ZNF385D: variants seen among roughly 807,000 people sequenced by gnomAD.
ZNF385D encodes zinc finger protein 385D.
ZNF385D carries 15 observed loss-of-function variants against 35.8 expected under a neutral mutation model. The observed-to-expected ratio is 0.42, with a 90% CI of 0.28 to 0.64. The LOEUF (loss-of-function observed/expected upper bound fraction) is 0.64, where lower values mean the gene tolerates loss of function less well. ZNF385D is among the 30% of genes least tolerant of loss of function. ZNF385D has a pLI of 0.23. For missense variants in ZNF385D, 474 were observed against 494.6 expected (o/e 0.96, Z 0.39); for synonymous variants, 212 against 186.8 (o/e 1.13, Z -1.10).
intron 2 of ZNF385D, among the ~76,000 whole-genome samples, chr3:21,620,620 A>C (rs1415088622): frequency 6.6e-6 from 1 of 152,110 alleles, no homozygotes; most frequent in African/African-American, 2.4e-5. Context: ...AAGATATTTC[A>C]ATCTCAGCCC....
chr3:21,661,089 T>C (rs2066225676), intron 2 of ZNF385D, among the ~76,000 whole-genome samples: 1 of 152,296 alleles, frequency 6.6e-6, no homozygotes, highest in Non-Finnish European at 1.5e-5. Flanking sequence ...TGCAACTCCA[T>C]GACTCCATGA....
intron 3 of ZNF385D, among the ~76,000 whole-genome samples, chr3:22,145,880 C>T (rs1343991390): frequency 6.6e-6 from 1 of 152,092 alleles, no homozygotes. Flanking sequence ...GTTCCCAAAC[C>T]TCCAAGTAGT....
intron 2 of ZNF385D, among the ~76,000 whole-genome samples, chr3:22,344,701 C>T (rs915317874): frequency 6.6e-5 from 10 of 152,290 alleles, no homozygotes; most frequent in African/African-American, 2.4e-4. Context: ...GGACTACAGG[C>T]ATGAGCCACT....
At chr3:21,821,326 A>G (rs1694211727) in intron 3 of ZNF385D, among the ~76,000 whole-genome samples, 1 of 152,202 alleles carries the variant, frequency 6.6e-6, no homozygotes, top group South Asian at 2.1e-4. Context: ...TCTCAATAGT[A>G]GAAAATATGC....
intron 2 of ZNF385D, among the ~76,000 whole-genome samples, chr3:22,183,556 C>T (rs1695426693): frequency 6.6e-6 from 1 of 152,046 alleles, no homozygotes; most frequent in African/African-American, 2.4e-5. Flanking sequence ...CGGTGTTTCA[C>T]CATATTGGCC....
chr3:21,970,253 A>T lies in ZNF385D; in HGVS notation c.325+198564T>A, dbSNP rs752762434. ...GGCATGAGTGACCAAACCCAGAGAC[A>T]CAGAGATATGTGACTAATAATTCAA... is the stretch of plus-strand genomic sequence containing the variant. On this transcript the variant is annotated intron_variant, in intron 3 of 5. Transcript: ENST00000494108. 2.2e-4 allele frequency among the ~76,000 whole-genome samples: 33 copies of T among 152,232 alleles called. 1 individual carries two copies. Among genetic ancestry groups the T allele is most frequent in the Non-Finnish European group, 1.9e-4 (13 of 68,044 alleles).
At chr3:21,725,129 A>G (rs1373434633) in intron 1 of ZNF385D, among the ~76,000 whole-genome samples, 1 of 152,206 alleles carries the variant, frequency 6.6e-6, no homozygotes, top group African/African-American at 2.4e-5. Flanking sequence ...GTTCTTTGAA[A>G]CCAAAGAGAA....
intron 1 of ZNF385D, among the ~76,000 whole-genome samples, chr3:21,718,849 T>G (rs1287402816): frequency 6.6e-6 from 1 of 152,268 alleles, no homozygotes; most frequent in Non-Finnish European, 1.5e-5. Flanking sequence ...TTGTAAGGTT[T>G]ATTTGTCTCC....
chr3:22,109,073 T>C (rs975611633), intron 3 of ZNF385D, among the ~76,000 whole-genome samples: 6 of 152,136 alleles, frequency 3.9e-5, no homozygotes, highest in Non-Finnish European at 7.4e-5. Flanking sequence ...CAATACATAG[T>C]AATTATTTGT....
At chr3:22,225,181 A>T (rs1698479323) in intron 2 of ZNF385D, among the ~76,000 whole-genome samples, 1 of 152,076 alleles carries the variant, frequency 6.6e-6, no homozygotes. Flanking sequence ...AATAATTTTG[A>T]TTGAGTAGAA....
intron 2 of ZNF385D, among the ~76,000 whole-genome samples, chr3:22,256,210 CATATATAT>C (rs970939887): frequency 7.2e-6 from 1 of 138,122 alleles, no homozygotes; most frequent in Non-Finnish European, 1.5e-5. Flanking sequence ...TACATATATA[CATATATAT>C]ACACACATAT....
intron 3 of ZNF385D, among the ~76,000 whole-genome samples, chr3:22,030,097 T>C (rs1697843275): frequency 6.6e-6 from 1 of 150,850 alleles, no homozygotes; most frequent in Non-Finnish European, 1.5e-5. Context: ...AGCCTCCCAG[T>C]CTATATCTTT....
chr3:21,726,577 G>C (rs770233215), intron 1 of ZNF385D, among the ~76,000 whole-genome samples: 5 of 152,082 alleles, frequency 3.3e-5, no homozygotes, highest in Non-Finnish European at 7.4e-5. Flanking sequence ...ATTCACAATT[G>C]CTACTAAGAT....
chr3:22,225,848 A>G (rs772953617), intron 2 of ZNF385D, among the ~76,000 whole-genome samples: 35 of 152,212 alleles, frequency 2.3e-4, no homozygotes, highest in African/African-American at 8.4e-4. Context: ...GATCTTGTGA[A>G]TATTTATCAA....
chr3:22,164,525 C>T (rs1271168877), intron 3 of ZNF385D, among the ~76,000 whole-genome samples: 1 of 151,538 alleles, frequency 6.6e-6, no homozygotes, highest in Non-Finnish European at 1.5e-5. Context: ...CCATACCCGG[C>T]CAAAAGGAAC....
chr3:21,827,643 T>C (rs1407063988), intron 3 of ZNF385D, among the ~76,000 whole-genome samples: 1 of 152,170 alleles, frequency 6.6e-6, no homozygotes, highest in Non-Finnish European at 1.5e-5. Flanking sequence ...CCACAGCATC[T>C]TACATTAATA....
intron 2 of ZNF385D, among the ~76,000 whole-genome samples, chr3:22,238,726 TA>T (rs1699327235): frequency 6.6e-6 from 1 of 150,866 alleles, no homozygotes; most frequent in Non-Finnish European, 1.5e-5. Flanking sequence ...TGTTTCTTAA[TA>T]TTTTTTATAT....
At chr3:21,653,125 A>T (rs1259906951) in intron 2 of ZNF385D, among the ~76,000 whole-genome samples, 2 of 152,132 alleles carry the variant, frequency 1.3e-5, no homozygotes, top group Admixed American at 6.6e-5. Context: ...TTAAAAATAC[A>T]CACACATACA....
At chr3:21,764,708 C>T (rs1248170012) in intron 3 of ZNF385D, among the ~76,000 whole-genome samples, 3 of 152,064 alleles carry the variant, frequency 2.0e-5, no homozygotes, top group Admixed American at 2.0e-4. Flanking sequence ...GACAATTGAC[C>T]CAGTTTAGCC....
Sources: gnomAD v4.1 joint callset for allele counts (sites outside exome capture counted in the v4.1 genomes callset) on GRCh38, gnomAD v4.1.1 for gene constraint, MANE v1.5 for transcripts, NCBI Gene and HGNC (gene_info 2026-07-23, HGNC 2026-07-21) for gene names.